The following MICAL2 variants were observed in gnomAD, a reference collection of about 807,000 sequenced individuals.
MICAL2 encodes microtubule associated monooxygenase, calponin and LIM domain containing 2.
A neutral mutation model predicts 127.3 loss-of-function variants in MICAL2; 77 were observed. The ratio of observed to expected loss-of-function variants is 0.60; its 90% CI spans 0.50 to 0.73. The LOEUF is 0.73. MICAL2 is among the 30% of genes least tolerant of loss of function. The pLI is 0.00. For missense variants in MICAL2, 1,351 were observed against 1,434.4 expected, an observed-to-expected ratio of 0.94 and a Z score of 0.94; for synonymous variants, 570 against 551.1, an observed-to-expected ratio of 1.03 and a Z score of -0.48.
chr11:12,237,917 G>A (rs1326996343), intron 16 of MICAL2, among the ~76,000 whole-genome samples: 1 of 152,138 alleles, frequency 6.6e-6, no homozygotes, highest in Non-Finnish European at 1.5e-5. Flanking sequence ...GCTAACTTTG[G>A]TCTTGTACAA....
intron 7 of MICAL2, among the ~76,000 whole-genome samples, chr11:12,215,291 C>T (rs1483082039): frequency 6.6e-6 from 1 of 152,178 alleles, no homozygotes; most frequent in Non-Finnish European, 1.5e-5. Context: ...TCCTGATTCT[C>T]CTGGGGGCCC....
intron 21 of MICAL2, among the ~76,000 whole-genome samples, chr11:12,245,277 G>A (rs1285095156): frequency 2.0e-5 from 3 of 152,220 alleles, no homozygotes; most frequent in Admixed American, 2.0e-4. Context: ...GGCTCCCACC[G>A]AGGCTCTGTG....
At chr11:12,164,595 T>A (rs1201837171) in intron 3 of MICAL2, among the ~76,000 whole-genome samples, 1 of 152,218 alleles carries the variant, frequency 6.6e-6, no homozygotes, top group Non-Finnish European at 1.5e-5. Flanking sequence ...AAACACATTT[T>A]TCTCCATGTT....
chr11:12,137,513 A>G (rs981903571), intron 1 of MICAL2, among the ~76,000 whole-genome samples: 1 of 152,162 alleles, frequency 6.6e-6, no homozygotes, highest in Non-Finnish European at 1.5e-5. Flanking sequence ...GCTGTCTCCC[A>G]TTAACGGGCT....
At chr11:12,240,200 T>A (rs1590569939) in intron 17 of MICAL2, among the ~76,000 whole-genome samples, 1 of 152,106 alleles carries the variant, frequency 6.6e-6, no homozygotes, top group East Asian at 1.9e-4. Flanking sequence ...CTGATGGGGG[T>A]TAGTGTGAGG....
At chr11:12,136,476 G>A (rs1449692471) in intron 1 of MICAL2, among the ~76,000 whole-genome samples, 1 of 152,138 alleles carries the variant, frequency 6.6e-6, no homozygotes, top group African/African-American at 2.4e-5. Context: ...CTGTACACAG[G>A]TTAATCCCTC....
chr11:12,311,188 C>T (rs1362426230), intron 29 of MICAL2, among the ~76,000 whole-genome samples: 10 of 152,082 alleles, frequency 6.6e-5, no homozygotes, highest in Admixed American at 6.5e-4. Context: ...TTTTTCTCGC[C>T]TAACTGCTCT....
At chr11:12,340,117 C>T (rs1938835784) in intron 32 of MICAL2, among the ~76,000 whole-genome samples, 1 of 152,092 alleles carries the variant, frequency 6.6e-6, no homozygotes, top group South Asian at 2.1e-4. Context: ...ATGTAGAACC[C>T]TCAGATACAG....
At chr11:12,119,654 C>T (rs550643153) in intron 1 of MICAL2, among the ~76,000 whole-genome samples, 4 of 152,292 alleles carry the variant, frequency 2.6e-5, no homozygotes, top group South Asian at 2.1e-4. Flanking sequence ...AGGCCGCCTG[C>T]GGATTGGCTG....
intron 18 of MICAL2, 51 bp from the exon 19 acceptor site, chr11:12,242,163 G>T: frequency 6.9e-7 from 1 of 1,459,250 alleles, no homozygotes. Context: ...TGGTGAGGGT[G>T]TATGAAAGGG....
At chr11:12,256,761 C>A in intron 23 of MICAL2, 24 bp from the exon 24 acceptor site, 1 of 1,585,060 alleles carries the variant, frequency 6.3e-7, no homozygotes, top group South Asian at 1.2e-5. Flanking sequence ...CATAATACAC[C>A]CACTCTTCTC....
intron 10 of MICAL2, 143 bp from the exon 11 acceptor site, chr11:12,222,474 G>A (rs979723474): frequency 5.0e-5 from 57 of 1,130,846 alleles, no homozygotes; most frequent in Middle Eastern, 3.0e-4. Flanking sequence ...CAAGAACCAG[G>A]AGAGTCAGGT....
intron 29 of MICAL2, among the ~76,000 whole-genome samples, chr11:12,309,644 G>A (rs4323849): frequency 0.91 from 139,262 of 152,266 alleles, 63,820 homozygotes; most frequent in East Asian, 0.95. Flanking sequence ...GGGAATGTAG[G>A]TGTCTCTTCA....
chr11:12,155,341 T>G (rs1018168091), intron 2 of MICAL2, among the ~76,000 whole-genome samples: 1 of 152,010 alleles, frequency 6.6e-6, no homozygotes, highest in African/African-American at 2.4e-5. Context: ...TACACATACA[T>G]GTACATACAC....
At chr11:12,295,142 A>G (rs559734984), downstream of MICAL2, among the ~76,000 whole-genome samples, 591 of 56,796 alleles carry the variant, frequency 0.01, 5 homozygotes, top group Middle Eastern at 0.029. Flanking sequence ...AAAATTTTGT[A>G]TCTTTTTTTT....
intron 2 of MICAL2, among the ~76,000 whole-genome samples, chr11:12,157,270 T>C (rs1255930640): frequency 6.6e-6 from 1 of 152,142 alleles, no homozygotes; most frequent in East Asian, 1.9e-4. Context: ...CAGATCGGGA[T>C]GGGGAGGCTC....
At chr11:12,128,598 C>T (rs982530811) in intron 1 of MICAL2, among the ~76,000 whole-genome samples, 7 of 152,166 alleles carry the variant, frequency 4.6e-5, no homozygotes, top group South Asian at 2.1e-4. Flanking sequence ...CAGGACAGAT[C>T]GGGGCAGTGT....
exon 3 of MICAL2, chr11:12,287,238 C>T (rs1994901): frequency 0.88 from 348,980 of 398,414 alleles, 153,784 homozygotes; most frequent in East Asian, 0.93. Context: ...CAGGGGCAGC[C>T]GTTCTCATTC....
At chr11:12,338,364 G>C (rs551381816) in intron 32 of MICAL2, among the ~76,000 whole-genome samples, 1 of 152,110 alleles carries the variant, frequency 6.6e-6, no homozygotes, top group Non-Finnish European at 1.5e-5. Flanking sequence ...ACGTGAAATG[G>C]GTTTCCTGAA....
Sources: gnomAD v4.1 joint callset for allele counts (sites outside exome capture counted in the v4.1 genomes callset) on GRCh38, gnomAD v4.1.1 for gene constraint, MANE v1.5 for transcripts, NCBI Gene and HGNC (gene_info 2026-07-23, HGNC 2026-07-21) for gene names.